Variants in ZFHX3 observed in about 807,000 individuals in gnomAD.
ZFHX3 encodes the protein zinc finger homeobox protein 3.
A neutral mutation model predicts 279.1 loss-of-function variants in ZFHX3; 42 were observed. The observed-to-expected ratio is 0.15, with a 90% CI of 0.12 to 0.19. The LOEUF is 0.19. Ranked by LOEUF, ZFHX3 falls within the 10% of genes least tolerant of loss-of-function variation. The pLI, the probability that ZFHX3 is intolerant of heterozygous loss-of-function variation, is 1.00. For missense variants in ZFHX3, 4,981 were observed against 4,754.0 expected (o/e 1.05, Z -1.40); for synonymous variants, 2,293 against 1,957.8 (o/e 1.17, Z -4.52).
intron 3 of ZFHX3, among the ~76,000 whole-genome samples, chr16:73,386,399 G>GA (rs2016903527): frequency 6.6e-6 from 1 of 152,116 alleles, no homozygotes; most frequent in African/African-American, 2.4e-5. Flanking sequence ...TAAATGCTCT[G>GA]AATCCCCGTT....
At chr16:73,463,607 C>T (rs959300021) in intron 2 of ZFHX3, among the ~76,000 whole-genome samples, 6 of 152,108 alleles carry the variant, frequency 3.9e-5, no homozygotes, top group African/African-American at 9.7e-5. Context: ...AGGATGTTTC[C>T]TCTGGACTTT....
chr16:73,328,558 G>C (rs1038079646), intron 3 of ZFHX3, among the ~76,000 whole-genome samples: 2 of 152,164 alleles, frequency 1.3e-5, no homozygotes, highest in African/African-American at 4.8e-5. Context: ...CCCATAACTT[G>C]CCTAAGACCA....
chr16:73,598,997 G>C (rs1242549745), intron 2 of ZFHX3, among the ~76,000 whole-genome samples: 1 of 151,998 alleles, frequency 6.6e-6, no homozygotes, highest in Non-Finnish European at 1.5e-5. Flanking sequence ...TCCTGACCTC[G>C]TGATCCACCT....
rs534987361 is a variant in ZFHX3 at position 73,507,949 on chromosome 16, A to G, written c.-1546-51691T>C. 4.6e-5 allele frequency among the ~76,000 whole-genome samples: 7 copies of G among 152,318 alleles called. No individual in the cohort carries two copies. In the South Asian group the frequency reaches 1.5e-3, roughly 32 times the overall value. ...TAGTACCTAGACATAAAAGATGCTT[A>G]ACAAATGTTAGGACCAAGGCAGGGG... On this transcript the variant is annotated intron_variant, in intron 2 of 17. Coordinates refer to the ZFHX3 transcript ENST00000641206.
chr16:73,063,235 T>C (rs1008066084), upstream of ZFHX3, among the ~76,000 whole-genome samples: 5 of 152,308 alleles, frequency 3.3e-5, no homozygotes, highest in East Asian at 1.9e-4. Flanking sequence ...GCTGCTCTCA[T>C]CCTGGAGCGA....
At chr16:73,508,757 T>C (rs79386281) in intron 2 of ZFHX3, among the ~76,000 whole-genome samples, 1,911 of 152,272 alleles carry the variant, frequency 0.013, 44 homozygotes, top group African/African-American at 0.043. Flanking sequence ...CACGAATGAA[T>C]ACTGTGACTT....
At chr16:72,949,071 T>C (rs1192808963) in intron 3 of ZFHX3, among the ~76,000 whole-genome samples, 1 of 152,142 alleles carries the variant, frequency 6.6e-6, no homozygotes, top group African/African-American at 2.4e-5. Flanking sequence ...TCTCCTCCTT[T>C]CCCTAAAGTG....
chr16:73,335,354 A>T (rs184982771), intron 3 of ZFHX3, among the ~76,000 whole-genome samples: 135 of 152,350 alleles, frequency 8.9e-4, no homozygotes, highest in Non-Finnish European at 1.3e-3. Context: ...CCTAAAAGAT[A>T]AAAAGTGATT....
rs117998233 is a variant in ZFHX3 at position 73,714,278 on chromosome 16, A to G, written c.-1607-34038T>C. Among the ~76,000 whole-genome samples, 164 of 152,120 alleles carry G rather than the reference A, an allele frequency of 1.1e-3. 1 individual carries two copies. Among genetic ancestry groups the G allele is most frequent in the Non-Finnish European group, 1.5e-3 (100 of 67,984 alleles). On this transcript the variant is annotated intron_variant, in intron 1 of 17. Coordinates refer to the ZFHX3 transcript ENST00000641206. ...AATAGGTCAATTTTTTTTTCCTGCA[A>G]TTGTTCGCTCTCCCCCATCTTTAGG... is the stretch of plus-strand genomic sequence containing the variant.
intron 1 of ZFHX3, among the ~76,000 whole-genome samples, chr16:73,816,523 G>A (rs1474638948): frequency 6.6e-6 from 1 of 152,142 alleles, no homozygotes; most frequent in Non-Finnish European, 1.5e-5. Flanking sequence ...AAGCAGTTAT[G>A]ACAAGACTTT....
chr16:73,329,081 T>C (rs2015748342), intron 3 of ZFHX3, among the ~76,000 whole-genome samples: 2 of 152,262 alleles, frequency 1.3e-5, no homozygotes, highest in African/African-American at 4.8e-5. Context: ...CTTCTCAAAA[T>C]CAGCCTCATT....
At chr16:73,222,353 A>G (rs2012451398) in intron 5 of ZFHX3, among the ~76,000 whole-genome samples, 1 of 152,124 alleles carries the variant, frequency 6.6e-6, no homozygotes, top group South Asian at 2.1e-4. Flanking sequence ...CCTGGAACTA[A>G]TAAGTGATTA....
At position 73,025,410 on chromosome 16, in the gene ZFHX3, A is replaced by G. The variant is rs575871420; in HGVS notation, c.-50+22342T>C. Among the ~76,000 whole-genome samples the G allele has an allele frequency of 5.3e-5, 8 of 152,282 alleles. No homozygotes were observed. In the South Asian group the frequency reaches 1.7e-3, roughly 32 times the overall value. ...ATTTGATGTCAAGTGTCAGCAAGTA[A>G]ATTGCTATTGGCTTCTCAATAAGCA... On this transcript the variant is annotated intron_variant, in intron 1 of 9. Transcript: ENST00000268489.
chr16:73,034,992 C>T (rs958410543), intron 1 of ZFHX3, among the ~76,000 whole-genome samples: 24 of 152,274 alleles, frequency 1.6e-4, no homozygotes, highest in Admixed American at 9.1e-4. Context: ...GCTCCATCAA[C>T]AGAATGTCTC....
intron 1 of ZFHX3, among the ~76,000 whole-genome samples, chr16:73,715,220 C>G (rs2053402689): frequency 6.6e-6 from 1 of 152,080 alleles, no homozygotes; most frequent in Non-Finnish European, 1.5e-5. Flanking sequence ...TGGGTTGAGA[C>G]CTAGGTTTCT....
intron 3 of ZFHX3, among the ~76,000 whole-genome samples, chr16:72,939,691 C>T (rs1960314962): frequency 6.6e-6 from 1 of 152,212 alleles, no homozygotes; most frequent in African/African-American, 2.4e-5. Context: ...AGTTCGAGAC[C>T]AGCCTGGCCA....
intron 2 of ZFHX3, among the ~76,000 whole-genome samples, chr16:73,508,894 T>C (rs2019375134): frequency 6.6e-6 from 1 of 152,220 alleles, no homozygotes; most frequent in Non-Finnish European, 1.5e-5. Context: ...TGATGTCTTT[T>C]GAATCAATCT....
intron 5 of ZFHX3, among the ~76,000 whole-genome samples, chr16:73,145,776 G>T (rs1966860340): frequency 6.6e-6 from 1 of 152,220 alleles, no homozygotes; most frequent in African/African-American, 2.4e-5. Context: ...CGTATTGTCT[G>T]TTGAATGGGG....
intron 8 of ZFHX3, among the ~76,000 whole-genome samples, chr16:72,798,933 T>C (rs1485174128): frequency 1.3e-5 from 2 of 152,172 alleles, no homozygotes; most frequent in Non-Finnish European, 2.9e-5. Context: ...TGAACAGAGA[T>C]GGATAAAAGG....
Sources: allele counts gnomAD v4.1 joint callset (sites outside exome capture counted in the v4.1 genomes callset), GRCh38; gene constraint gnomAD v4.1.1; transcripts MANE v1.5; gene names NCBI Gene and HGNC (gene_info 2026-07-23, HGNC 2026-07-21).